SORCS1: variants seen among roughly 807,000 people sequenced by gnomAD.
The protein encoded by SORCS1 is VPS10 domain-containing receptor SorCS1.
A neutral mutation model predicts 146.1 loss-of-function variants in SORCS1; 60 were observed. The observed-to-expected ratio is 0.41, with a 90% CI of 0.33 to 0.51. SORCS1 has a LOEUF of 0.51. Ranked by LOEUF, SORCS1 falls within the 20% of genes least tolerant of loss-of-function variation. The probability of loss-of-function intolerance (pLI) is 0.21; values close to 1 mark genes in which losing one functional copy is unlikely to be tolerated. For synonymous variants in SORCS1, 637 were observed against 584.0 expected (o/e 1.09, Z -1.31); for missense variants, 1,352 against 1,487.6 (o/e 0.91, Z 1.50).
chr10:106,702,916 T>C (rs2098854339), intron 8 of SORCS1, among the ~76,000 whole-genome samples: 2 of 152,154 alleles, frequency 1.3e-5, no homozygotes. Context: ...TTTAGTAGAC[T>C]TGAAAAGGAG....
chr10:106,581,800 C>T (rs566126897), intron 24 of SORCS1, among the ~76,000 whole-genome samples: 84 of 152,274 alleles, frequency 5.5e-4, no homozygotes, highest in Non-Finnish European at 1.1e-3. Context: ...ATCATTACCA[C>T]AATACCATCA....
chr10:106,996,471 G>A (rs1389998836), intron 1 of SORCS1, among the ~76,000 whole-genome samples: 1 of 152,110 alleles, frequency 6.6e-6, no homozygotes, highest in Non-Finnish European at 1.5e-5. Flanking sequence ...TTTTTCTGCT[G>A]AGGCACATTT....
chr10:106,680,588 A>G (rs1364102415), intron 10 of SORCS1, among the ~76,000 whole-genome samples: 1 of 152,238 alleles, frequency 6.6e-6, no homozygotes, highest in African/African-American at 2.4e-5. Context: ...TTTGTGCAGA[A>G]ACCTCATTCA....
chr10:107,087,794 G>A (rs1206613668), intron 1 of SORCS1, among the ~76,000 whole-genome samples: 1 of 152,232 alleles, frequency 6.6e-6, no homozygotes, highest in African/African-American at 2.4e-5. Flanking sequence ...ATAAATATCG[G>A]CTTAGGCCTC....
chr10:107,161,521 T>C (rs1462178633), intron 1 of SORCS1, among the ~76,000 whole-genome samples: 1 of 152,152 alleles, frequency 6.6e-6, no homozygotes, highest in Non-Finnish European at 1.5e-5. Context: ...ACTGCCCTCT[T>C]ATGTATAGCC....
intron 10 of SORCS1, among the ~76,000 whole-genome samples, chr10:106,680,448 T>C (rs1048344448): frequency 6.6e-6 from 1 of 152,138 alleles, no homozygotes; most frequent in African/African-American, 2.4e-5. Flanking sequence ...ATTATCCAAA[T>C]ACCCGCCAGA....
Position 107,164,279 on chromosome 10 carries a change from C to G in SORCS1, c.248G>C (p.Gly83Ala), listed in dbSNP as rs1416424089. The G allele has an allele frequency of 3.1e-6, 5 of 1,598,232 alleles. 1 individual carries two copies. The South Asian group carries it at 4.4e-5, about 14-fold the overall frequency. The change falls in exon 1 of 26, where the codon GGG becomes GCG. Residue 83 changes from glycine (G) to alanine (A), a missense_variant. By Grantham distance (60) the Gly-to-Ala change is moderately conservative. Around this residue, in one of 3 missense-constraint regions of SORCS1, gnomAD observed 490 missense variants for 489.1 expected, o/e 1.00. Coordinates refer to ENST00000263054, the MANE Select transcript of SORCS1 (RefSeq NM_052918.5). The surrounding 1 kb of genome is among the most constrained non-coding windows in gnomAD (Gnocchi z 6.8). ...VVRPLFSVAP[G>A]DRALSLERAR... ...CCGCTCCAGGGATAGCGCTCGGTCCCCGGGGGCCACTGAGAACAGGGGACG... is the reference window on the plus strand; with the variant it reads ...CCGCTCCAGGGATAGCGCTCGGTCCGCGGGGGCCACTGAGAACAGGGGACG...
chr10:106,910,125 C>T (rs570796554), intron 2 of SORCS1, among the ~76,000 whole-genome samples: 60 of 152,182 alleles, frequency 3.9e-4, no homozygotes, highest in African/African-American at 1.1e-3. Flanking sequence ...AACTAATATC[C>T]GATTTTGCTC....
chr10:107,052,895 A>G (rs910629133), intron 1 of SORCS1, among the ~76,000 whole-genome samples: 2 of 152,126 alleles, frequency 1.3e-5, no homozygotes, highest in African/African-American at 4.8e-5. Context: ...ATTGTGTTCC[A>G]TAGAAGATTC....
chr10:106,832,595 T>C (rs1484787510), intron 2 of SORCS1, among the ~76,000 whole-genome samples: 1 of 152,252 alleles, frequency 6.6e-6, no homozygotes, highest in East Asian at 1.9e-4. Context: ...CCTTATTCTA[T>C]CTCCTTTTAT....
intron 1 of SORCS1, among the ~76,000 whole-genome samples, chr10:107,137,996 A>T (rs1055626928): frequency 1.6e-4 from 25 of 152,336 alleles, no homozygotes; most frequent in African/African-American, 5.8e-4. Flanking sequence ...ACGTTCCTGA[A>T]ATATAATAAG....
At chr10:107,141,852 C>T (rs1026386499) in intron 1 of SORCS1, among the ~76,000 whole-genome samples, 3 of 152,174 alleles carry the variant, frequency 2.0e-5, no homozygotes, top group African/African-American at 7.2e-5. Flanking sequence ...TCTGTGGCAC[C>T]ATCCCTTCAC....
At chr10:106,751,537 A>G (rs2136188248) in intron 5 of SORCS1, among the ~76,000 whole-genome samples, 1 of 152,242 alleles carries the variant, frequency 6.6e-6, no homozygotes, top group Admixed American at 6.5e-5. Context: ...TTTTGCTTGA[A>G]TTTCTCTGGT....
At chr10:107,036,218 T>G (rs1958900770) in intron 1 of SORCS1, among the ~76,000 whole-genome samples, 1 of 152,112 alleles carries the variant, frequency 6.6e-6, no homozygotes, top group African/African-American at 2.4e-5. Flanking sequence ...AAAAATAATA[T>G]GAATAAAAAT....
chr10:106,981,710 G>A (rs1208560635), intron 1 of SORCS1, among the ~76,000 whole-genome samples: 1 of 152,058 alleles, frequency 6.6e-6, no homozygotes, highest in African/African-American at 2.4e-5. Flanking sequence ...ACTAAAAAAT[G>A]GCCGTGCTCA....
rs140396613 is a variant in SORCS1 at position 107,037,661 on chromosome 10, C to A, written c.559-81081G>T. ...TTGTTTTTCCTGCAAATAACTCATC[C>A]AATTCTTATAATATCCCTTTGAGGT... On this transcript the variant is annotated intron_variant, in intron 1 of 25. Coordinates refer to ENST00000263054, the MANE Select transcript of SORCS1 (RefSeq NM_052918.5). Among the ~76,000 whole-genome samples, 78 of 152,214 alleles carry A rather than the reference C, an allele frequency of 5.1e-4. No homozygotes were observed. The East Asian group carries it at 0.014, about 28-fold the overall frequency.
At chr10:107,135,844 A>T (rs192308826) in intron 1 of SORCS1, among the ~76,000 whole-genome samples, 1 of 152,336 alleles carries the variant, frequency 6.6e-6, no homozygotes, top group East Asian at 1.9e-4. Context: ...TTAAAATCAC[A>T]TGTCCTTTCA....
intron 1 of SORCS1, among the ~76,000 whole-genome samples, chr10:107,079,572 A>T (rs1963166498): frequency 6.6e-6 from 1 of 152,238 alleles, no homozygotes; most frequent in Non-Finnish European, 1.5e-5. Context: ...TAAGGCAAAG[A>T]GCCAGAACAC....
intron 2 of SORCS1, 79 bp from the exon 3 acceptor site, chr10:106,829,752 C>T (rs12254832): frequency 0.026 from 26,397 of 1,012,980 alleles, 1,738 homozygotes; most frequent in East Asian, 0.24. Flanking sequence ...ATGCTTTACA[C>T]AGTAGAATGG....
Sources: allele counts gnomAD v4.1 joint callset (sites outside exome capture counted in the v4.1 genomes callset), GRCh38; gene constraint gnomAD v4.1.1; regional missense constraint gnomAD v4.1.1; non-coding constraint Gnocchi (gnomAD v3.1); transcripts MANE v1.5; gene names NCBI Gene and HGNC (gene_info 2026-07-23, HGNC 2026-07-21).